Variants in RAB3GAP1 observed in about 807,000 individuals in gnomAD.
The protein encoded by RAB3GAP1 is rab3 GTPase-activating protein catalytic subunit.
Under a neutral mutation model 130.7 loss-of-function variants are expected in RAB3GAP1, and 86 were observed. The ratio of observed to expected loss-of-function variants is 0.66; its 90% CI spans 0.55 to 0.79. The LOEUF (loss-of-function observed/expected upper bound fraction) is 0.79, where lower values mean the gene tolerates loss of function less well. RAB3GAP1 is among the 30% of genes least tolerant of loss of function. The probability of loss-of-function intolerance (pLI) is 0.00; values close to 1 mark genes in which losing one functional copy is unlikely to be tolerated. For synonymous variants in RAB3GAP1, 367 were observed against 401.7 expected (o/e 0.91, Z 1.03); for missense variants, 1,029 against 1,169.4 (o/e 0.88, Z 1.75).
intron 3 of RAB3GAP1, among the ~76,000 whole-genome samples, chr2:135,069,066 A>G (rs140540259): frequency 4.6e-5 from 7 of 152,340 alleles, no homozygotes; most frequent in African/African-American, 1.7e-4. Flanking sequence ...ATGGTCTGGC[A>G]TACAGAGGGT....
At chr2:135,163,206 T>A (rs2104998920) in intron 22 of RAB3GAP1, 105 bp downstream of exon 22, 1 of 806,908 alleles carries the variant, frequency 1.2e-6, no homozygotes, top group Admixed American at 1.9e-5. Flanking sequence ...GGTAATCATA[T>A]ATTATTTGAA....
chr2:135,154,638 A>G (rs1692260651), intron 19 of RAB3GAP1, among the ~76,000 whole-genome samples: 1 of 152,162 alleles, frequency 6.6e-6, no homozygotes, highest in South Asian at 2.1e-4. Flanking sequence ...TGAAACACAA[A>G]GTCACCCCAG....
chr2:135,118,095 C>G (rs1691084083), intron 7 of RAB3GAP1, among the ~76,000 whole-genome samples: 1 of 152,048 alleles, frequency 6.6e-6, no homozygotes, highest in African/African-American at 2.4e-5. Flanking sequence ...ATCCGCCTGC[C>G]CAACCTCCCA....
chr2:135,066,575 C>T (rs1223263518), intron 3 of RAB3GAP1, among the ~76,000 whole-genome samples: 1 of 152,172 alleles, frequency 6.6e-6, no homozygotes, highest in Non-Finnish European at 1.5e-5. Flanking sequence ...CATGTTCTTT[C>T]TATTTTACTC....
chr2:135,067,377 T>G (rs958175140), intron 3 of RAB3GAP1, among the ~76,000 whole-genome samples: 1 of 152,040 alleles, frequency 6.6e-6, no homozygotes. Context: ...TTGTAGTTTG[T>G]TTTTTTTCCT....
At chr2:135,138,307 G>A (rs189295414) in intron 17 of RAB3GAP1, among the ~76,000 whole-genome samples, 316 of 148,692 alleles carry the variant, frequency 2.1e-3, no homozygotes, top group African/African-American at 4.6e-3. Context: ...AAAATTAGCC[G>A]ACTGGGGTAG....
Position 135,126,202 on chromosome 2 carries a change from A to G in RAB3GAP1, c.852A>G (p.Thr284=), listed in dbSNP as rs759825915. The change falls in exon 10 of 24, where the codon ACA becomes ACG. Residue 284 remains threonine, a synonymous_variant. Coordinates refer to ENST00000264158, the MANE Select transcript of RAB3GAP1 (RefSeq NM_012233.3). ...TTAGTGAACTCCATTTAGCTACTAC[A>G]TGGCCTCATCTGACCGAAGGGATCA... The part of the protein sequence containing the change: ...DPISELHLAT[T]WPHLTEGIIV... 17 of 1,612,924 alleles carry G rather than the reference A, an allele frequency of 1.1e-5. No individual in the cohort carries two copies. In the Admixed American group the frequency reaches 1.2e-4, roughly 11 times the overall value.
In RAB3GAP1 at chr2:135,134,067, ATT is replaced by A. The variant is rs1471340062; in HGVS notation, c.1499+37_1499+38del. 9 of 1,611,126 alleles carry A rather than the reference ATT, an allele frequency of 5.6e-6. No homozygotes were observed. In the South Asian group the frequency reaches 9.9e-5, roughly 18 times the overall value. ...TTCAATTTTCAATTGTTTGGATACG[ATT>A]TTGTTTGTTAGCAGACATTTGACTT... On this transcript the variant is annotated intron_variant, in intron 15 of 23. Transcript: ENST00000264158.
intron 3 of RAB3GAP1, among the ~76,000 whole-genome samples, chr2:135,086,966 T>G (rs1188794594): frequency 6.6e-6 from 1 of 152,152 alleles, no homozygotes; most frequent in Non-Finnish European, 1.5e-5. Context: ...CCCAGCCACC[T>G]AATCGTTTTC....
At chr2:135,156,180 A>G (rs1369978980) in intron 19 of RAB3GAP1, among the ~76,000 whole-genome samples, 1 of 152,300 alleles carries the variant, frequency 6.6e-6, no homozygotes, top group Middle Eastern at 3.4e-3. Context: ...ACAAATTTTC[A>G]TAGAGACAAT....
chr2:135,053,216 T>G (rs373143415), intron 2 of RAB3GAP1, among the ~76,000 whole-genome samples: 18 of 152,364 alleles, frequency 1.2e-4, no homozygotes, highest in African/African-American at 3.8e-4. Context: ...GGCTCAAGCC[T>G]GGGCCGCCCA....
At chr2:135,105,345 C>T (rs987756872) in intron 5 of RAB3GAP1, among the ~76,000 whole-genome samples, 1 of 151,706 alleles carries the variant, frequency 6.6e-6, no homozygotes, top group Non-Finnish European at 1.5e-5. Context: ...GATTCTCCTG[C>T]CTCAGCCTGC....
intron 18 of RAB3GAP1, among the ~76,000 whole-genome samples, chr2:135,150,899 A>G (rs1692154397): frequency 1.3e-5 from 2 of 152,170 alleles, no homozygotes; most frequent in Non-Finnish European, 2.9e-5. Flanking sequence ...GAGTTAAGAA[A>G]TACAGTGTTT....
chr2:135,117,495 G>GCTT (rs1229163423), intron 7 of RAB3GAP1, among the ~76,000 whole-genome samples: 16 of 42,172 alleles, frequency 3.8e-4, no homozygotes, highest in South Asian at 1.9e-3. Flanking sequence ...TTCTTCTTCT[G>GCTT]CTTCTTCTTC....
chr2:135,117,474 G>GCTTCTTCTT (rs1212745711), intron 7 of RAB3GAP1, among the ~76,000 whole-genome samples: 1 of 27,438 alleles, frequency 3.6e-5, no homozygotes. Context: ...TTCTGCTTCT[G>GCTTCTTCTT]CTTCTTCTGC....
chr2:135,063,622 G>T (rs917153797), intron 3 of RAB3GAP1, among the ~76,000 whole-genome samples: 1 of 152,050 alleles, frequency 6.6e-6, no homozygotes, highest in African/African-American at 2.4e-5. Flanking sequence ...ATGTCTTCAA[G>T]GTTCATCCAG....
At chr2:135,163,288 G>C (rs1692523409) in intron 22 of RAB3GAP1, among the ~76,000 whole-genome samples, 187 bp downstream of exon 22, 4 of 152,136 alleles carry the variant, frequency 2.6e-5, no homozygotes, top group African/African-American at 9.7e-5. Flanking sequence ...GTCTCTACCA[G>C]GTGTTTCCAT....
In RAB3GAP1 at chr2:135,093,381, A is replaced by T. The variant is rs540517010; in HGVS notation, c.284-234A>T. Reference sequence around the variant, plus strand: ...GTGAGTTGTGACTCAGAAGCAAAAAAATATTTTAAACATGGGAGTGGCATA... The same window carrying T: ...GTGAGTTGTGACTCAGAAGCAAAAATATATTTTAAACATGGGAGTGGCATA... On this transcript the variant is annotated intron_variant, in intron 4 of 23. Coordinates refer to ENST00000264158, the MANE Select transcript of RAB3GAP1 (RefSeq NM_012233.3). Among the ~76,000 whole-genome samples the T allele has an allele frequency of 3.3e-5, 5 of 152,328 alleles. No homozygotes were observed. The South Asian group carries it at 8.3e-4, about 25-fold the overall frequency.
chr2:135,115,917 A>G (rs1690957024), intron 7 of RAB3GAP1, among the ~76,000 whole-genome samples: 1 of 152,144 alleles, frequency 6.6e-6, no homozygotes, highest in Non-Finnish European at 1.5e-5. Context: ...GTCTATAGCT[A>G]TGGAGGACTT....
Sources: gnomAD v4.1 joint callset for allele counts (sites outside exome capture counted in the v4.1 genomes callset) on GRCh38, gnomAD v4.1.1 for gene constraint, MANE v1.5 for transcripts, NCBI Gene and HGNC (gene_info 2026-07-23, HGNC 2026-07-21) for gene names.